MFSD11: variants seen among roughly 807,000 people sequenced by gnomAD.
MFSD11 encodes the protein major facilitator superfamily domain containing 11.
MFSD11 carries 36 observed loss-of-function variants against 53.5 expected under a neutral mutation model. The observed-to-expected ratio is 0.67, with a 90% CI of 0.52 to 0.89. The LOEUF (loss-of-function observed/expected upper bound fraction) is 0.89. Ranked by LOEUF, MFSD11 falls within the 40% of genes least tolerant of loss-of-function variation. MFSD11 has a pLI of 0.00. For synonymous variants in MFSD11, 186 were observed against 184.9 expected (o/e 1.01, Z -0.05); for missense variants, 530 against 543.9 (o/e 0.97, Z 0.25).
intron 7 of MFSD11, among the ~76,000 whole-genome samples, chr17:76,746,032 A>G (rs2078515520): frequency 6.6e-6 from 1 of 152,146 alleles, no homozygotes; most frequent in African/African-American, 2.4e-5. Flanking sequence ...ACAGGCTGAA[A>G]GCTATGCCTC....
At position 76,761,799 on chromosome 17, in the gene MFSD11, T is replaced by G. The variant is rs574339537; in HGVS notation, c.683-5587T>G. 2.8e-4 allele frequency among the ~76,000 whole-genome samples: 43 copies of G among 151,802 alleles called. No homozygotes were observed. In the South Asian group the frequency reaches 8.3e-3, roughly 29 times the overall value. On this transcript the variant is annotated intron_variant, in intron 8 of 12. Transcript: ENST00000685175. ...AGCCAGGCGTGGTGGCGGGTGCCTG[T>G]AATCCCAGCTACTTGGGAGGCTGAG...
chr17:76,758,884 C>T (rs1386316188), intron 8 of MFSD11, among the ~76,000 whole-genome samples: 2 of 152,100 alleles, frequency 1.3e-5, no homozygotes, highest in Non-Finnish European at 2.9e-5. Flanking sequence ...TAACTTTTGA[C>T]TCCCTCAATA....
At chr17:76,740,005 A>C (rs1398304710) in intron 2 of MFSD11, among the ~76,000 whole-genome samples, 1 of 151,302 alleles carries the variant, frequency 6.6e-6, no homozygotes, top group Non-Finnish European at 1.5e-5. Flanking sequence ...TCTGTACTAA[A>C]AATACAAAAA....
chr17:76,749,612 C>T (rs2078867753), intron 7 of MFSD11, among the ~76,000 whole-genome samples: 1 of 151,030 alleles, frequency 6.6e-6, no homozygotes, highest in Non-Finnish European at 1.5e-5. Context: ...ATAAAGCAGG[C>T]TGGGCACGGT....
At chr17:76,736,759 G>T (rs2077521367), upstream of MFSD11, 2 of 1,396,868 alleles carry the variant, frequency 1.4e-6, no homozygotes, top group African/African-American at 1.5e-5. Context: ...CCTCCCGCGC[G>T]CCCCGCCCCG....
intron 7 of MFSD11, among the ~76,000 whole-genome samples, chr17:76,744,989 A>C (rs1398318177): frequency 1.3e-5 from 2 of 152,212 alleles, no homozygotes; most frequent in African/African-American, 2.4e-5. Context: ...AGAGTGGTCC[A>C]AATAGGGGAA....
chr17:76,752,748 A>T (rs1182457361), intron 7 of MFSD11, among the ~76,000 whole-genome samples: 1 of 152,140 alleles, frequency 6.6e-6, no homozygotes, highest in Non-Finnish European at 1.5e-5. Context: ...GCAGGTTGCG[A>T]CGAAGACCCA....
intron 8 of MFSD11, among the ~76,000 whole-genome samples, chr17:76,759,753 G>A (rs945682290): frequency 1.8e-5 from 2 of 111,280 alleles, no homozygotes; most frequent in African/African-American, 3.3e-5. Flanking sequence ...CACCGTGACC[G>A]GCCTTTTTTT....
chr17:76,771,830 T>G (rs1004488539), intron 10 of MFSD11, among the ~76,000 whole-genome samples: 20 of 152,136 alleles, frequency 1.3e-4, no homozygotes, highest in African/African-American at 4.8e-4. Flanking sequence ...AGATGGGGTT[T>G]GAGGAAATCT....
At chr17:76,747,057 G>GC (rs751778692) in intron 7 of MFSD11, among the ~76,000 whole-genome samples, 1 of 151,864 alleles carries the variant, frequency 6.6e-6, no homozygotes, top group Admixed American at 6.6e-5. Flanking sequence ...TTACAGGCGT[G>GC]CACCACCATG....
chr17:76,790,796 C>T, the MFSD11 span, among the ~76,000 whole-genome samples: 4 of 138,898 alleles, frequency 2.9e-5, no homozygotes, highest in East Asian at 2.0e-4. Flanking sequence ...AAAAATTAGC[C>T]GGGCGTGGTG....
chr17:76,782,624 G>A (rs2082195976), downstream of MFSD11, among the ~76,000 whole-genome samples: 1 of 151,078 alleles, frequency 6.6e-6, no homozygotes, highest in African/African-American at 2.4e-5. Flanking sequence ...GACTACAGGT[G>A]CACACCACCA....
At chr17:76,762,611 G>A (rs550782278) in intron 8 of MFSD11, among the ~76,000 whole-genome samples, 83 of 145,840 alleles carry the variant, frequency 5.7e-4, no homozygotes, top group African/African-American at 1.9e-3. Flanking sequence ...AGCCGAGATC[G>A]CGCCACTGCA....
chr17:76,737,309 G>C (rs945063328), upstream of MFSD11: 44 of 1,147,146 alleles, frequency 3.8e-5, no homozygotes, highest in South Asian at 1.7e-4. Context: ...GGCTCCGCAG[G>C]CTAGCGCACC....
At chr17:76,790,255 CAG>C in the MFSD11 span, among the ~76,000 whole-genome samples, 2 of 147,612 alleles carry the variant, frequency 1.4e-5, no homozygotes, top group Middle Eastern at 7.0e-3. Flanking sequence ...TTAGTAGAGA[CAG>C]GGTTTCACCA....
At chr17:76,793,904 C>T in the MFSD11 span, among the ~76,000 whole-genome samples, 1 of 151,218 alleles carries the variant, frequency 6.6e-6, no homozygotes, top group African/African-American at 2.5e-5. Flanking sequence ...GACAAAGATT[C>T]AGTCTGCTGT....
intron 8 of MFSD11, among the ~76,000 whole-genome samples, chr17:76,766,333 C>A (rs2080850436): frequency 1.3e-5 from 2 of 150,172 alleles, no homozygotes; most frequent in Non-Finnish European, 3.0e-5. Context: ...GCAGGAGAAT[C>A]GCTTGAACCC....
Position 76,738,140 on chromosome 17 carries a change from GCTT to G in MFSD11, c.-209_-207del. 1 of 566,298 alleles carries G rather than the reference GCTT, an allele frequency of 1.8e-6. No homozygotes were observed. The highest frequency in any genetic ancestry group is 2.4e-5 in the South Asian group (1 of 41,764). 35.1% of individuals were successfully genotyped at this position (566,298 alleles called of 1,614,324 possible). A position where few individuals can be genotyped will look rare whatever the true frequency, so the allele number is the denominator to read the frequency against. On this transcript the variant is annotated 5_prime_UTR_variant, in exon 1 of 13. Transcript: ENST00000685175. ...GGTTGTGCTCTTCCGTACTCGGATC[GCTT>G]CTTAGGAGTATCCTAACTGCCGGTG...
chr17:76,762,281 A>C (rs2080332597), intron 8 of MFSD11, among the ~76,000 whole-genome samples: 1 of 152,188 alleles, frequency 6.6e-6, no homozygotes. Flanking sequence ...ACAATATATT[A>C]TAAAATTTGA....
Sources: allele counts gnomAD v4.1 joint callset (sites outside exome capture counted in the v4.1 genomes callset), GRCh38; gene constraint gnomAD v4.1.1; transcripts MANE v1.5; gene names NCBI Gene and HGNC (gene_info 2026-07-23, HGNC 2026-07-21).